The following PHLDB1 variants were observed in gnomAD, a reference collection of about 807,000 sequenced individuals.
PHLDB1 encodes pleckstrin homology-like domain family B member 1.
Under a neutral mutation model 139.3 loss-of-function variants are expected in PHLDB1, and 65 were observed. The observed-to-expected ratio is 0.47, with a 90% CI of 0.38 to 0.57. The LOEUF (loss-of-function observed/expected upper bound fraction) is 0.57. Ranked by LOEUF, PHLDB1 falls within the 20% of genes least tolerant of loss-of-function variation. The pLI, the probability that PHLDB1 is intolerant of heterozygous loss-of-function variation, is 0.00. For missense variants in PHLDB1, 1,624 were observed against 1,839.7 expected (o/e 0.88, Z 2.14); for synonymous variants, 679 against 734.5 (o/e 0.92, Z 1.22).
chr11:118,639,979 C>T (rs1946255906), intron 12 of PHLDB1: 1 of 986,158 alleles, frequency 1.0e-6, no homozygotes, highest in Non-Finnish European at 1.2e-6. Context: ...CCTGCTTCCA[C>T]TCTTCTCTGC....
At position 118,645,836 on chromosome 11, in the gene PHLDB1, C is replaced by T. The variant is rs1555127727; in HGVS notation, c.3507+11C>T. ...CTCATGGAGTCGAGGGTGAGTCTGA[C>T]CTGGATCGGGGAGGCAGAAGGTGTT... On this transcript the variant is annotated intron_variant, in intron 17 of 22. Coordinates refer to ENST00000600882, the MANE Select transcript of PHLDB1 (RefSeq NM_001144758.3). This position sits in a 1 kb window ranked among gnomAD's most constrained non-coding sequence, Gnocchi z 5.1. 4.4e-6 allele frequency: 7 copies of T among 1,579,860 alleles called. No individual in the cohort carries two copies. The South Asian group carries it at 7.7e-5, about 17-fold the overall frequency.
intron 1 of PHLDB1, among the ~76,000 whole-genome samples, chr11:118,607,989 C>T (rs894520577): frequency 6.6e-6 from 1 of 152,104 alleles, no homozygotes; most frequent in Non-Finnish European, 1.5e-5. Context: ...AACTCTGATC[C>T]TGGCCCTATC....
rs910943157 is a variant in PHLDB1, at chr11:118,620,134, G to T, written c.355+3923G>T. On this transcript the variant is annotated intron_variant, in intron 4 of 22. Coordinates refer to ENST00000600882, the MANE Select transcript of PHLDB1 (RefSeq NM_001144758.3). This position sits in a 1 kb window ranked among gnomAD's most constrained non-coding sequence, Gnocchi z 4.1. ...ACATTGTGTCCCGTAAGGCTCTGGTGTGCAGGGGCCAGGTCCCTGGAACAA... is the reference window on the plus strand; with the variant it reads ...ACATTGTGTCCCGTAAGGCTCTGGTTTGCAGGGGCCAGGTCCCTGGAACAA... 6.6e-6 allele frequency among the ~76,000 whole-genome samples: 1 copy of T among 152,266 alleles called. No individual in the cohort carries two copies. Among genetic ancestry groups the T allele is most frequent in the Non-Finnish European group, 1.5e-5 (1 of 68,044 alleles).
chr11:118,643,882 C>G lies in PHLDB1; in HGVS notation c.2960C>G (p.Ser987Cys), dbSNP rs782777983. Residue 987 changes from serine (S) to cysteine (C), a missense_variant, in exon 14 of 23, where the codon TCT becomes TGT. Ser to Cys is a moderately radical substitution (Grantham distance 112). Coordinates refer to ENST00000600882, the MANE Select transcript of PHLDB1 (RefSeq NM_001144758.3). ...GGCCCCCTCCCCTCCTCCTCTGGCT[C>G]TTCCTCCTCCTCCTCCCAGCTCAGC... ...RSGPLPSSSG[S>C]SSSSSQLSVA... The G allele has an allele frequency of 1.2e-6, 2 of 1,612,330 alleles. No homozygotes were observed. The highest frequency in any genetic ancestry group is 1.7e-6 in the Non-Finnish European group (2 of 1,179,070).
Position 118,650,066 on chromosome 11 carries a change from C to G in PHLDB1, c.3655-11C>G. ...AGAGGAGACTCTCCTGACCCTCCCTCTTGCTCCCAGGCACGACCCCTGACC... is the reference window on the plus strand; with the variant it reads ...AGAGGAGACTCTCCTGACCCTCCCTGTTGCTCCCAGGCACGACCCCTGACC... On this transcript the variant is annotated splice_polypyrimidine_tract_variant and intron_variant, in intron 18 of 22. Transcript: ENST00000600882. This position sits in a 1 kb window ranked among gnomAD's most constrained non-coding sequence, Gnocchi z 4.7. 6.2e-7 allele frequency: 1 copy of G among 1,605,052 alleles called. No individual in the cohort carries two copies. The highest frequency in any genetic ancestry group is 8.5e-7 in the Non-Finnish European group (1 of 1,171,668).
chr11:118,647,831 C>G, intron 17 of PHLDB1, 99 bp from the exon 18 acceptor site: 1 of 1,314,370 alleles, frequency 7.6e-7, no homozygotes, highest in Non-Finnish European at 1.0e-6. Flanking sequence ...GCCAGACTAC[C>G]CTGAGGTGGA....
At chr11:118,617,489 G>A (rs782701822) in intron 4 of PHLDB1, among the ~76,000 whole-genome samples, 6 of 151,354 alleles carry the variant, frequency 4.0e-5, no homozygotes, top group Non-Finnish European at 7.4e-5. Flanking sequence ...TTTTTGATAC[G>A]GAGTCTCACG....
chr11:118,649,302 A>G (rs1948020077), intron 18 of PHLDB1, among the ~76,000 whole-genome samples: 1 of 151,594 alleles, frequency 6.6e-6, no homozygotes, highest in Admixed American at 6.6e-5. Flanking sequence ...AAAAGAAAAA[A>G]GAAGCTCTGT....
chr11:118,618,242 C>T (rs1265523592), intron 4 of PHLDB1, among the ~76,000 whole-genome samples: 1 of 152,152 alleles, frequency 6.6e-6, no homozygotes, highest in Non-Finnish European at 1.5e-5. Context: ...CTGGGCTCGC[C>T]TGTCTCAGAA....
At chr11:118,644,813 G>C (rs1339954529) in intron 15 of PHLDB1, 9 of 511,256 alleles carry the variant, frequency 1.8e-5, no homozygotes, top group Non-Finnish European at 2.9e-5. Flanking sequence ...AGCTGGGTTG[G>C]GGTGTCTGCT....
At position 118,645,419 on chromosome 11, in the gene PHLDB1, A is replaced by C; in HGVS notation, c.3185A>C (p.Glu1062Ala). 2 of 1,544,526 alleles carry C rather than the reference A, an allele frequency of 1.3e-6. No individual in the cohort carries two copies. Among genetic ancestry groups the C allele is most frequent in the South Asian group, 2.5e-5 (2 of 79,136 alleles). The change falls in exon 16 of 23, where the codon GAG becomes GCG. Residue 1062 changes from glutamate (E) to alanine (A), a missense_variant. Transcript: ENST00000600882. The surrounding 1 kb of genome is among the most constrained non-coding windows in gnomAD (Gnocchi z 5.1). ...GAGCTGAAGCAGAAAGCGGCAGCTGAGGCACAGTGCCAGTGGGATGCCCTT... is the reference window on the plus strand; with the variant it reads ...GAGCTGAAGCAGAAAGCGGCAGCTGCGGCACAGTGCCAGTGGGATGCCCTT... ...LAELKQKAAA[E>A]AQCQWDALHG...
Position 118,650,388 on chromosome 11 carries a change from C to T in PHLDB1, c.3772-57C>T. ...GAATACAGGCACAGGCGATGGCACACACTTAAGGCTTAAGGGCTGCATATT... is the reference window on the plus strand; with the variant it reads ...GAATACAGGCACAGGCGATGGCACATACTTAAGGCTTAAGGGCTGCATATT... On this transcript the variant is annotated intron_variant, in intron 19 of 22. Coordinates refer to ENST00000600882, the MANE Select transcript of PHLDB1 (RefSeq NM_001144758.3). This position sits in a 1 kb window ranked among gnomAD's most constrained non-coding sequence, Gnocchi z 4.7. 5 of 1,224,600 alleles carry T rather than the reference C, an allele frequency of 4.1e-6. No individual in the cohort carries two copies. Among genetic ancestry groups the T allele is most frequent in the Non-Finnish European group, 6.1e-6 (5 of 824,464 alleles). The allele number at this position is 1,224,600 out of a possible 1,614,324, so 75.9% of individuals were successfully genotyped here. A position where few individuals can be genotyped will look rare whatever the true frequency, so the allele number is the denominator to read the frequency against.
intron 12 of PHLDB1, chr11:118,639,643 G>A (rs782778883): frequency 1.2e-5 from 3 of 248,942 alleles, no homozygotes; most frequent in Non-Finnish European, 2.3e-5. Flanking sequence ...TCCTGAGTTA[G>A]GCATTTGTCT....
intron 4 of PHLDB1, among the ~76,000 whole-genome samples, chr11:118,616,425 C>T (rs1555089670): frequency 6.6e-6 from 1 of 152,170 alleles, no homozygotes; most frequent in South Asian, 2.1e-4. Flanking sequence ...TCTCTGGTCA[C>T]CCCCAACCTG....
upstream of PHLDB1, among the ~76,000 whole-genome samples, chr11:118,607,366 G>GTGGTGGTGGTGGTGGTGA: frequency 1.4e-5 from 1 of 74,002 alleles, no homozygotes; most frequent in Non-Finnish European, 2.8e-5. Flanking sequence ...GGTGGTGGTG[G>GTGGTGGTGGTGGTGGTGA]TGGTGGTGGT....
chr11:118,647,816 C>G, intron 17 of PHLDB1, 114 bp from the exon 18 acceptor site: 1 of 1,155,100 alleles, frequency 8.7e-7, no homozygotes, highest in Non-Finnish European at 1.2e-6. Flanking sequence ...ATGATGCCTC[C>G]TCATGCCAGA....
At chr11:118,629,637 T>C in intron 6 of PHLDB1, among the ~76,000 whole-genome samples, 1 of 152,150 alleles carries the variant, frequency 6.6e-6, no homozygotes, top group Non-Finnish European at 1.5e-5. Flanking sequence ...TGGATGAGGG[T>C]ATAGGATTGT....
chr11:118,642,933 C>G (rs1946818751), intron 13 of PHLDB1, among the ~76,000 whole-genome samples: 1 of 152,240 alleles, frequency 6.6e-6, no homozygotes, highest in South Asian at 2.1e-4. Context: ...CTACCTGAAC[C>G]TGCAGCAAGC....
chr11:118,650,173 C>T lies in PHLDB1; in HGVS notation c.3751C>T (p.His1251Tyr). The T allele has an allele frequency of 1.2e-6, 2 of 1,612,934 alleles. No individual in the cohort carries two copies. The highest frequency in any genetic ancestry group is 1.1e-5 in the South Asian group (1 of 91,052). Reference sequence around the variant, plus strand: ...GGGCCATGGTGTTGATACCTGCCTGCACGTGGTGCTCAGCAGCAAGGTACA... The same window carrying T: ...GGGCCATGGTGTTGATACCTGCCTGTACGTGGTGCTCAGCAGCAAGGTACA... ...SSGHGVDTCL[H>Y]VVLSSKVCRG... The change falls in exon 19 of 23, where the codon CAC becomes TAC. Residue 1251 changes from histidine (H) to tyrosine (Y), a missense_variant. His to Tyr is a moderately conservative substitution (Grantham distance 83, BLOSUM62 2). Transcript: ENST00000600882. This position sits in a 1 kb window ranked among gnomAD's most constrained non-coding sequence, Gnocchi z 4.7.
Sources: allele counts gnomAD v4.1 joint callset (sites outside exome capture counted in the v4.1 genomes callset), GRCh38; gene constraint gnomAD v4.1.1; non-coding constraint Gnocchi (gnomAD v3.1); transcripts MANE v1.5; gene names NCBI Gene and HGNC (gene_info 2026-07-23, HGNC 2026-07-21).